The following SEMA3E variants were observed in gnomAD, a reference collection of about 807,000 sequenced individuals.
SEMA3E encodes semaphorin-3E.
In SEMA3E, 49 loss-of-function variants were observed where a neutral mutation model predicts 93.6. The ratio of observed to expected loss-of-function variants is 0.52; its 90% CI spans 0.42 to 0.66. SEMA3E has a LOEUF of 0.66. Among genes scored for constraint, SEMA3E ranks in the 30% least tolerant of loss-of-function variants. The pLI is 0.00. For synonymous variants in SEMA3E, 363 were observed against 330.7 expected (o/e 1.10, Z -1.06); for missense variants, 906 against 964.8 (o/e 0.94, Z 0.81).
chr7:83,500,679 G>A (rs531363210), intron 1 of SEMA3E, among the ~76,000 whole-genome samples: 278 of 127,686 alleles, frequency 2.2e-3, no homozygotes, highest in Non-Finnish European at 1.6e-3. Context: ...TGCAACCTCC[G>A]CCTCCCAGGT....
chr7:83,383,019 A>T (rs1787808904), intron 16 of SEMA3E, among the ~76,000 whole-genome samples: 1 of 151,986 alleles, frequency 6.6e-6, no homozygotes, highest in South Asian at 2.1e-4. Context: ...ACAGGCAGAC[A>T]TTACAGAATC....
intron 15 of SEMA3E, among the ~76,000 whole-genome samples, chr7:83,386,602 T>C (rs2116918482): frequency 6.6e-6 from 1 of 152,210 alleles, no homozygotes; most frequent in Middle Eastern, 3.4e-3. Flanking sequence ...TTGATAGAAG[T>C]AATACCAGTT....
At chr7:83,564,273 G>T (rs1792095672) in intron 1 of SEMA3E, among the ~76,000 whole-genome samples, 1 of 152,008 alleles carries the variant, frequency 6.6e-6, no homozygotes, top group Admixed American at 6.6e-5. Flanking sequence ...ACAAAAATTA[G>T]CCAGGCTTGG....
At chr7:83,372,552 T>C (rs1794763170) in intron 16 of SEMA3E, 1 of 306,316 alleles carries the variant, frequency 3.3e-6, no homozygotes, top group South Asian at 1.6e-4. Flanking sequence ...AAAGCAGGGT[T>C]TAAAAAAAAT....
chr7:83,509,989 A>G (rs920037525), intron 1 of SEMA3E, among the ~76,000 whole-genome samples: 1 of 152,162 alleles, frequency 6.6e-6, no homozygotes, highest in African/African-American at 2.4e-5. Context: ...AATAAAACTG[A>G]CCACTACTAC....
chr7:83,528,538 A>G (rs1791217840), intron 1 of SEMA3E, among the ~76,000 whole-genome samples: 1 of 152,118 alleles, frequency 6.6e-6, no homozygotes, highest in African/African-American at 2.4e-5. Context: ...AAATTTCTTT[A>G]TAAGTTCAAT....
At chr7:83,541,832 G>A (rs911282252) in intron 1 of SEMA3E, among the ~76,000 whole-genome samples, 5 of 151,512 alleles carry the variant, frequency 3.3e-5, no homozygotes, top group African/African-American at 4.8e-5. Flanking sequence ...GTGAGATTTC[G>A]TATGTTGGAA....
intron 1 of SEMA3E, chr7:83,616,609 T>C: frequency 2.7e-6 from 1 of 377,122 alleles, no homozygotes; most frequent in South Asian, 1.9e-5. Flanking sequence ...ACTTTATTCT[T>C]GCCTTTTTAC....
Position 83,471,984 on chromosome 7 carries a change from AT to A in SEMA3E, c.277-2683del, listed in dbSNP as rs572594872. On this transcript the variant is annotated intron_variant, in intron 2 of 16. Transcript: ENST00000643230. The stretch of plus-strand genomic sequence containing the variant: ...CTGGACCACGACATCATGTTTATTA[AT>A]TTCATTTTCTGCATCACTACTGTCA... Among the ~76,000 whole-genome samples the A allele has an allele frequency of 4.7e-4, 72 of 152,272 alleles. 1 individual carries two copies. Among genetic ancestry groups the A allele is most frequent in the African/African-American group, 1.7e-3 (70 of 41,570 alleles).
intron 16 of SEMA3E, among the ~76,000 whole-genome samples, chr7:83,379,308 G>A (rs758625821): frequency 1.3e-4 from 19 of 151,420 alleles, no homozygotes; most frequent in Non-Finnish European, 2.5e-4. Flanking sequence ...CTCACTATTT[G>A]GGTGATGGGT....
intron 7 of SEMA3E, among the ~76,000 whole-genome samples, 160 bp downstream of exon 7, chr7:83,406,937 T>C (rs986801496): frequency 1.3e-5 from 2 of 152,134 alleles, no homozygotes; most frequent in African/African-American, 2.4e-5. Flanking sequence ...GATACACCTT[T>C]CACTAGATAT....
At chr7:83,451,973 C>T (rs73174510) in intron 4 of SEMA3E, among the ~76,000 whole-genome samples, 170 of 152,322 alleles carry the variant, frequency 1.1e-3, no homozygotes, top group Middle Eastern at 3.4e-3. Flanking sequence ...CAAAGCACCA[C>T]ACTCGTTCTC....
intron 16 of SEMA3E, among the ~76,000 whole-genome samples, chr7:83,375,862 T>G (rs1163118973): frequency 6.6e-6 from 1 of 152,092 alleles, no homozygotes. Flanking sequence ...ATAAGTTGTT[T>G]TATATTCTCC....
At chr7:83,423,648 C>T (rs958051081) in intron 4 of SEMA3E, among the ~76,000 whole-genome samples, 5 of 150,102 alleles carry the variant, frequency 3.3e-5, no homozygotes, top group African/African-American at 7.3e-5. Flanking sequence ...GGACTACAGA[C>T]GCCCACCACC....
At chr7:83,562,147 A>C (rs1792042258) in intron 1 of SEMA3E, among the ~76,000 whole-genome samples, 1 of 152,154 alleles carries the variant, frequency 6.6e-6, no homozygotes, top group Admixed American at 6.6e-5. Flanking sequence ...AAGGATTTCT[A>C]TTTTTTTAAA....
chr7:83,456,051 T>A (rs1194257970), intron 4 of SEMA3E, among the ~76,000 whole-genome samples: 1 of 152,354 alleles, frequency 6.6e-6, no homozygotes, highest in African/African-American at 2.4e-5. Flanking sequence ...TTTAATCAGC[T>A]ACATTTTTGG....
chr7:83,473,898 A>G (rs1789954468), intron 2 of SEMA3E, among the ~76,000 whole-genome samples: 1 of 152,072 alleles, frequency 6.6e-6, no homozygotes, highest in Non-Finnish European at 1.5e-5. Context: ...GTTTGAGACC[A>G]GCCTGGCAAA....
rs115228000 is a variant in SEMA3E, at chr7:83,627,086, T to A, written c.115+21342A>T. On this transcript the variant is annotated intron_variant, in intron 1 of 16. Transcript: ENST00000643230. ...GTCTGAGAGACCGTTTGTTACAATTTGTGTTCTTTTGCATTTGCTGAGGAG... is the reference window on the plus strand; with the variant it reads ...GTCTGAGAGACCGTTTGTTACAATTAGTGTTCTTTTGCATTTGCTGAGGAG... Among the ~76,000 whole-genome samples the A allele has an allele frequency of 6.1e-3, 928 of 152,342 alleles. 6 individuals are homozygous for A. The highest frequency in any genetic ancestry group is 0.021 in the African/African-American group (891 of 41,570).
chr7:83,532,693 A>G (rs1023814216), intron 1 of SEMA3E, among the ~76,000 whole-genome samples: 5 of 103,046 alleles, frequency 4.9e-5, no homozygotes, highest in African/African-American at 1.3e-4. Context: ...AAACAAACCA[A>G]CCAAAAAAAA....
Sources: gnomAD v4.1 joint callset for allele counts (sites outside exome capture counted in the v4.1 genomes callset) on GRCh38, gnomAD v4.1.1 for gene constraint, MANE v1.5 for transcripts, NCBI Gene and HGNC (gene_info 2026-07-23, HGNC 2026-07-21) for gene names.